Variants in ANO3 observed in about 807,000 individuals in gnomAD.
The protein encoded by ANO3 is anoctamin 3, also known as anoctamin-3.
In ANO3, 99 loss-of-function variants were observed where a neutral mutation model predicts 144.8. The ratio of observed to expected loss-of-function variants is 0.68; its 90% CI spans 0.58 to 0.81. The LOEUF is 0.81. Ranked by LOEUF, ANO3 falls within the 30% of genes least tolerant of loss-of-function variation. ANO3 has a pLI of 0.00. For missense variants in ANO3, 905 were observed against 1,202.2 expected, an observed-to-expected ratio of 0.75 and a Z score of 3.66; for synonymous variants, 414 against 392.6, an observed-to-expected ratio of 1.05 and a Z score of -0.64.
chr11:26,208,635 G>A (rs1851867904), intron 1 of ANO3, among the ~76,000 whole-genome samples: 1 of 152,084 alleles, frequency 6.6e-6, no homozygotes. Flanking sequence ...GCCACACTCT[G>A]TGGATCATTT....
At chr11:26,517,569 A>G (rs1444714864) in intron 6 of ANO3, among the ~76,000 whole-genome samples, 1 of 152,034 alleles carries the variant, frequency 6.6e-6, no homozygotes, top group Admixed American at 6.6e-5. Context: ...TATGCAAAGT[A>G]TTTACTCATA....
chr11:26,518,771 A>T (rs1389459), intron 6 of ANO3, among the ~76,000 whole-genome samples: 90,000 of 151,686 alleles, frequency 0.59, 27,723 homozygotes, highest in East Asian at 0.79. Flanking sequence ...AAAATTTTAA[A>T]TAAAATATAT....
intron 13 of ANO3, among the ~76,000 whole-genome samples, chr11:26,556,163 T>C (rs1423635168): frequency 6.6e-6 from 1 of 152,148 alleles, no homozygotes; most frequent in Non-Finnish European, 1.5e-5. Flanking sequence ...TTTTTGCAAT[T>C]AAGTAATTTA....
intron 1 of ANO3, among the ~76,000 whole-genome samples, chr11:26,383,265 C>T (rs756521736): frequency 6.6e-6 from 1 of 151,034 alleles, no homozygotes. Context: ...CTGGCCAAAC[C>T]TTTTTTTTTA....
intron 1 of ANO3, among the ~76,000 whole-genome samples, chr11:26,425,535 A>T (rs1463618432): frequency 6.6e-6 from 1 of 152,108 alleles, no homozygotes; most frequent in Non-Finnish European, 1.5e-5. Flanking sequence ...AGGTAAATAT[A>T]ACTACTGAAA....
rs192293329 is a variant in ANO3 at position 26,366,129 on chromosome 11, T to A, written c.46+33808T>A. ...CATTTACATTAGGTATATCTCCTAA[T>A]GCTATCCCTCCCACCTCCCCTCACC... On this transcript the variant is annotated intron_variant, in intron 1 of 26. Transcript: ENST00000256737. Among the ~76,000 whole-genome samples, 188 of 152,138 alleles carry A rather than the reference T, an allele frequency of 1.2e-3. 1 individual carries two copies. Among genetic ancestry groups the A allele is most frequent in the African/African-American group, 4.1e-3 (172 of 41,488 alleles).
intron 1 of ANO3, among the ~76,000 whole-genome samples, chr11:26,346,439 A>G (rs1564975526): frequency 6.6e-6 from 1 of 152,134 alleles, no homozygotes; most frequent in Non-Finnish European, 1.5e-5. Context: ...CACAATCTCT[A>G]CTTGTTTTAC....
intron 4 of ANO3, among the ~76,000 whole-genome samples, chr11:26,468,167 T>G (rs1468054090): frequency 6.6e-6 from 1 of 151,898 alleles, no homozygotes; most frequent in Non-Finnish European, 1.5e-5. Context: ...TTAATCTAGG[T>G]TAGCAGGAAT....
intron 1 of ANO3, among the ~76,000 whole-genome samples, chr11:26,416,016 T>A (rs1046933989): frequency 2.6e-5 from 4 of 152,124 alleles, no homozygotes; most frequent in Non-Finnish European, 5.9e-5. Flanking sequence ...ATGATTATAC[T>A]TTTATGCATT....
chr11:26,359,298 C>T (rs1855863041), intron 1 of ANO3, among the ~76,000 whole-genome samples: 2 of 152,144 alleles, frequency 1.3e-5, no homozygotes, highest in African/African-American at 4.8e-5. Context: ...CTGGTTATTT[C>T]TCACTATGGA....
intron 18 of ANO3, among the ~76,000 whole-genome samples, chr11:26,627,854 T>TGCGC (rs1554981583): frequency 3.6e-5 from 5 of 139,588 alleles, no homozygotes; most frequent in South Asian, 2.3e-4. Context: ...TGTGTGTGTG[T>TGCGC]GCGCCTGACA....
intron 1 of ANO3, among the ~76,000 whole-genome samples, chr11:26,304,375 A>G (rs1854315917): frequency 6.6e-6 from 1 of 152,008 alleles, no homozygotes; most frequent in African/African-American, 2.4e-5. Flanking sequence ...AGGAGTACTA[A>G]TTGCCTTTTT....
At chr11:26,268,698 C>G (rs1564941495) in intron 1 of ANO3, among the ~76,000 whole-genome samples, 1 of 152,134 alleles carries the variant, frequency 6.6e-6, no homozygotes, top group Non-Finnish European at 1.5e-5. Context: ...GAAGAAGGTG[C>G]AACTCTCCTA....
upstream of ANO3, among the ~76,000 whole-genome samples, chr11:26,327,880 C>T (rs1366459661): frequency 2.0e-5 from 3 of 152,112 alleles, no homozygotes; most frequent in South Asian, 4.1e-4. Flanking sequence ...CTATAGGCAA[C>T]TTGAAATAAT....
intron 1 of ANO3, among the ~76,000 whole-genome samples, chr11:26,394,704 AG>A (rs1856965116): frequency 6.6e-6 from 1 of 151,554 alleles, no homozygotes; most frequent in African/African-American, 2.4e-5. Context: ...CAGCCTACCA[AG>A]TAGCTGGGAT....
At chr11:26,252,021 TG>T (rs932692199) in intron 1 of ANO3, among the ~76,000 whole-genome samples, 2 of 152,218 alleles carry the variant, frequency 1.3e-5, no homozygotes, top group East Asian at 1.9e-4. Context: ...TGTTCTTTAA[TG>T]TTTTTTTTCT....
chr11:26,547,526 T>C lies in ANO3; in HGVS notation c.1265T>C (p.Phe422Ser). The change falls in exon 12 of 27, where the codon TTT becomes TCT. Residue 422 changes from phenylalanine to serine, a missense_variant. Physicochemically the swap from Phe to Ser is radical, Grantham distance 155. Around this residue, in one of 4 missense-constraint regions of ANO3, gnomAD observed 597 missense variants for 865.1 expected, o/e 0.69. Transcript: ENST00000256737. ...TTGTGCGTTTTCTTCTATGGATTAT[T>C]TACAATGAATAATAGTCAAGTAAGG... ...VGLCVFFYGL[F>S]TMNNSQVSQE... 6.2e-7 allele frequency: 1 copy of C among 1,611,954 alleles called. No homozygotes were observed. The highest frequency in any genetic ancestry group is 8.5e-7 in the Non-Finnish European group (1 of 1,178,530).
intron 10 of ANO3, among the ~76,000 whole-genome samples, chr11:26,540,713 C>T (rs186342046): frequency 1.3e-5 from 2 of 152,208 alleles, no homozygotes; most frequent in Admixed American, 1.3e-4. Flanking sequence ...CACCACTGGT[C>T]GTTAGAGAAA....
chr11:26,215,812 G>C (rs1010378587), intron 1 of ANO3, among the ~76,000 whole-genome samples: 1 of 151,864 alleles, frequency 6.6e-6, no homozygotes, highest in Admixed American at 6.6e-5. Flanking sequence ...TTACCAGATA[G>C]ATCACTACAG....
Sources: gnomAD v4.1 joint callset for allele counts (sites outside exome capture counted in the v4.1 genomes callset) on GRCh38, gnomAD v4.1.1 for gene constraint, gnomAD v4.1.1 regional missense constraint, MANE v1.5 for transcripts, NCBI Gene and HGNC (gene_info 2026-07-23, HGNC 2026-07-21) for gene names.